The following PLXNA3 variants were observed in gnomAD, a reference collection of about 807,000 sequenced individuals.
PLXNA3 encodes plexin-A3.
Under a neutral mutation model 118.8 loss-of-function variants are expected in PLXNA3, and 52 were observed. That is an observed-to-expected ratio of 0.44 (90% CI 0.35 to 0.55). The LOEUF (loss-of-function observed/expected upper bound fraction) is 0.55, where lower values mean the gene tolerates loss of function less well. Ranked by LOEUF, PLXNA3 falls within the 20% of genes least tolerant of loss-of-function variation. The probability of loss-of-function intolerance (pLI) is 0.01; values close to 1 mark genes in which losing one functional copy is unlikely to be tolerated. For missense variants in PLXNA3, 1,660 were observed against 1,730.8 expected, an observed-to-expected ratio of 0.96 and a Z score of 0.73; for synonymous variants, 925 against 762.4, an observed-to-expected ratio of 1.21 and a Z score of -3.51.
chrX:154,464,817 C>T lies in PLXNA3; in HGVS notation c.1992C>T (p.Thr664=). The T allele has an allele frequency of 8.3e-7, 1 of 1,207,840 alleles. No individual in the cohort carries two copies. Among genetic ancestry groups the T allele is most frequent in the Non-Finnish European group, 1.1e-6 (1 of 893,532 alleles). ...GGTGTAAGTACCGCCACACGTGTAC[C>T]AGCCGCCCCCACGAGTGCTCCTTCC... ...CHWCKYRHTC[T]SRPHECSFQE... The change falls in exon 10 of 33, where the codon ACC becomes ACT. Residue 664 remains threonine, a synonymous_variant. Coordinates refer to ENST00000369682, the MANE Select transcript of PLXNA3 (RefSeq NM_017514.5).
chrX:154,464,199 G>A lies in PLXNA3; in HGVS notation c.1714G>A (p.Val572Met), dbSNP rs1557206028. The change falls in exon 8 of 33, where the codon GTG becomes ATG. Residue 572 changes from valine (V) to methionine (M), a missense_variant. Val to Met is a conservative substitution (Grantham distance 21). This residue lies in a region of PLXNA3 where 791 missense variants were observed against 652.1 expected (regional missense o/e 1.21). Coordinates refer to ENST00000369682, the MANE Select transcript of PLXNA3 (RefSeq NM_017514.5). ...LHNVPDLSAG[V>M]SCAFEAAAEN... ...CAACGTGCCAGACCTCAGTGCGGGC[G>A]TGAGCTGCGCCTTCGAGGCGGCGGC... is the stretch of plus-strand genomic sequence containing the variant. The A allele has an allele frequency of 7.4e-6, 9 of 1,208,353 alleles. No homozygotes were observed. The highest frequency in any genetic ancestry group is 2.2e-5 in the Admixed American group (1 of 45,891).
In PLXNA3 at chrX:154,461,512, C is replaced by A. The variant is rs782486191; in HGVS notation, c.1008C>A (p.Ile336=). The A allele has an allele frequency of 7.4e-6, 9 of 1,211,331 alleles. No homozygotes were observed. In the East Asian group the frequency reaches 2.7e-4, roughly 36 times the overall value. Residue 336 remains isoleucine (I), a synonymous_variant, in exon 3 of 33, where the codon ATC becomes ATA. Coordinates refer to ENST00000369682, the MANE Select transcript of PLXNA3 (RefSeq NM_017514.5). The part of the protein sequence containing the change: ...KNRASPPRQT[I]LCLFTLSNIN... ...GGGCCAGCCCACCCCGGCAGACCAT[C>A]CTCTGCCTCTTCACCCTCAGCAACA...
At chrX:154,471,664 A>G in intron 32 of PLXNA3, 26 bp downstream of exon 32, 1 of 1,184,201 alleles carries the variant, frequency 8.4e-7, no homozygotes, top group Non-Finnish European at 1.1e-6. Context: ...ACAGACTCCC[A>G]GTTACTTGGT....
intron 16 of PLXNA3, 46 bp downstream of exon 16, chrX:154,466,558 G>A (rs372234667): frequency 1.4e-5 from 17 of 1,193,112 alleles, no homozygotes; most frequent in East Asian, 3.0e-5. Context: ...CGTGTGGGGG[G>A]CCGTGGGGAC....
intron 1 of PLXNA3, among the ~76,000 whole-genome samples, chrX:154,458,692 T>A (rs1443443858): frequency 9.0e-6 from 1 of 111,210 alleles, no homozygotes; most frequent in Non-Finnish European, 1.9e-5. Flanking sequence ...GCTCCGCGAG[T>A]CCGCCGAGGG....
rs201909015 is a variant in PLXNA3 at position 154,461,486 on chromosome X, C to T, written c.982C>T (p.Arg328Trp). ...FTIFSQGQKN[R>W]ASPPRQTILC... is the part of the protein sequence containing the mutation. The stretch of plus-strand genomic sequence containing the variant: ...CATCTTCTCTCAGGGCCAGAAGAAC[C>T]GGGCCAGCCCACCCCGGCAGACCAT... Residue 328 changes from arginine to tryptophan, a missense_variant, in exon 3 of 33, where the codon CGG becomes TGG. Around this residue, in one of 2 missense-constraint regions of PLXNA3, gnomAD observed 791 missense variants for 652.1 expected, o/e 1.21. Coordinates refer to ENST00000369682, the MANE Select transcript of PLXNA3 (RefSeq NM_017514.5). The T allele has an allele frequency of 9.9e-5, 120 of 1,210,910 alleles. No homozygotes were observed. Among genetic ancestry groups the T allele is most frequent in the Non-Finnish European group, 1.1e-4 (102 of 895,313 alleles).
chrX:154,461,389 C>A lies in PLXNA3; in HGVS notation c.885C>A (p.Ala295=). The change falls in exon 3 of 33, where the codon GCC becomes GCA. Residue 295 remains alanine, a synonymous_variant. Transcript: ENST00000369682. The part of the protein sequence containing the change: ...RGVEYRLVQS[A]HLAKPGLLLA... ...TGGAGTACCGCTTGGTGCAGAGCGC[C>A]CACCTGGCCAAGCCTGGCCTGCTGC... is the stretch of plus-strand genomic sequence containing the variant. The A allele has an allele frequency of 1.7e-6, 2 of 1,211,825 alleles. No homozygotes were observed. Among genetic ancestry groups the A allele is most frequent in the Admixed American group, 2.2e-5 (1 of 46,183 alleles).
intron 2 of PLXNA3, 92 bp downstream of exon 2, chrX:154,460,869 C>T: frequency 1.4e-6 from 1 of 732,713 alleles, no homozygotes; most frequent in East Asian, 3.3e-5. Context: ...ACTTTCGGCT[C>T]CTCAGTGTCT....
At chrX:154,472,378 G>A (rs1557209744) in intron 32 of PLXNA3, among the ~76,000 whole-genome samples, 2 of 109,823 alleles carry the variant, frequency 1.8e-5, no homozygotes, top group Non-Finnish European at 3.8e-5. Flanking sequence ...GGGACAGGCC[G>A]CACCCTAGCT....
chrX:154,466,804 G>C lies in PLXNA3; in HGVS notation c.3107+11G>C. ...CTGGAGCATCATCAAGTAAGACCCTGGGGGACTGGGGAGCCTGGCAGTGTC... is the reference window on the plus strand; with the variant it reads ...CTGGAGCATCATCAAGTAAGACCCTCGGGGACTGGGGAGCCTGGCAGTGTC... On this transcript the variant is annotated intron_variant, in intron 17 of 32. Coordinates refer to ENST00000369682, the MANE Select transcript of PLXNA3 (RefSeq NM_017514.5). 8.6e-7 allele frequency: 1 copy of C among 1,156,863 alleles called. No homozygotes were observed. The highest frequency in any genetic ancestry group is 1.2e-6 in the Non-Finnish European group (1 of 865,470).
At chrX:154,466,824 A>G (rs2069094315) in intron 17 of PLXNA3, 31 bp downstream of exon 17, 1 of 1,125,845 alleles carries the variant, frequency 8.9e-7, no homozygotes, top group Non-Finnish European at 1.2e-6. Context: ...GGAGCCTGGC[A>G]GTGTCCAGAG....
chrX:154,471,669 C>G, intron 32 of PLXNA3, 31 bp downstream of exon 32: 1 of 1,180,433 alleles, frequency 8.5e-7, no homozygotes, highest in Non-Finnish European at 1.1e-6. Context: ...CTCCCAGTTA[C>G]TTGGTCCTGA....
rs2068934474 is a variant in PLXNA3, at chrX:154,460,693, T to C, written c.510T>C (p.Ala170=). 1.7e-6 allele frequency: 2 copies of C among 1,149,571 alleles called. No individual in the cohort carries two copies. The highest frequency in any genetic ancestry group is 3.0e-5 in the East Asian group (1 of 33,314). The allele number at this position is 1,149,571 out of a possible 1,213,427, so 94.7% of individuals were successfully genotyped here. A position where few individuals can be genotyped will look rare whatever the true frequency, so the allele number is the denominator to read the frequency against. ...CCAGCAAGCTGTTTGTGGGCACTGC[T>C]GTCGACGGCAAGTCGGAGTACTTCC... ...QGPSKLFVGT[A]VDGKSEYFPT... Residue 170 remains alanine, a synonymous_variant, in exon 2 of 33, where the codon GCT becomes GCC. Coordinates refer to ENST00000369682, the MANE Select transcript of PLXNA3 (RefSeq NM_017514.5).
rs782392984 is a variant in PLXNA3 at position 154,464,280 on chromosome X, C to T, written c.1795C>T (p.Leu599Phe). 2.5e-6 allele frequency: 3 copies of T among 1,207,038 alleles called. No individual in the cohort carries two copies. The highest frequency in any genetic ancestry group is 3.5e-5 in the South Asian group (2 of 56,761). Residue 599 changes from leucine (L) to phenylalanine (F), a missense_variant, in exon 8 of 33, where the codon CTC becomes TTC. Transcript: ENST00000369682. Reference sequence around the variant, plus strand: ...TGAACTGCTCTGCCCCTCACCCTCCCTCCAGGAGCTCCGAGCTCTTACCAG... The same window carrying T: ...TGAACTGCTCTGCCCCTCACCCTCCTTCCAGGAGCTCCGAGCTCTTACCAG... ...SGELLCPSPS[L>F]QELRALTRGH...
Position 154,470,086 on chromosome X carries a change from C to T in PLXNA3, c.4905C>T (p.His1635=), listed in dbSNP as rs782258129. 2.6e-5 allele frequency: 31 copies of T among 1,210,206 alleles called. No homozygotes were observed. The East Asian group carries it at 8.3e-4, about 32-fold the overall frequency. ...GTKLWHLVKN[H]DHADHREGDR... ...AATTGTGGCACCTGGTGAAAAACCA[C>T]GACCATGCCGACCATCGCGAGGGGG... The change falls in exon 29 of 33, where the codon CAC becomes CAT. Residue 1635 remains histidine (H), a synonymous_variant. Coordinates refer to ENST00000369682, the MANE Select transcript of PLXNA3 (RefSeq NM_017514.5).
chrX:154,462,140 A>G lies in PLXNA3; in HGVS notation c.1147A>G (p.Asn383Asp), dbSNP rs1557204902. 8.4e-7 allele frequency: 1 copy of G among 1,194,264 alleles called. No homozygotes were observed. Reference sequence around the variant, plus strand: ...TCTGTTTCACCAGCCCATGCAGATCAACGGCAACTTCTGTGGGCTGGTGTT... The same window carrying G: ...TCTGTTTCACCAGCCCATGCAGATCGACGGCAACTTCTGTGGGCTGGTGTT... ...LPCINTPMQI[N>D]GNFCGLVLNQ... Residue 383 changes from asparagine to aspartate, a missense_variant, in exon 4 of 33, where the codon AAC becomes GAC. Asn to Asp is a conservative substitution (Grantham distance 23). This residue lies in a region of PLXNA3 where 791 missense variants were observed against 652.1 expected (regional missense o/e 1.21). Transcript: ENST00000369682.
intron 1 of PLXNA3, among the ~76,000 whole-genome samples, chrX:154,458,889 C>T (rs1288476550): frequency 8.9e-6 from 1 of 111,831 alleles, no homozygotes; most frequent in Non-Finnish European, 1.9e-5. Context: ...CTCCCCAGGT[C>T]TCCCTCCCGA....
chrX:154,473,694 A>G lies in PLXNA3; in HGVS notation c.*1009A>G, dbSNP rs1357962471. 2 of 112,616 alleles carry G rather than the reference A, an allele frequency of 1.8e-5. No homozygotes were observed. The highest frequency in any genetic ancestry group is 3.8e-5 in the Non-Finnish European group (2 of 53,250). The allele number at this position is 112,616 out of a possible 1,213,427, so 9.3% of individuals were successfully genotyped here. A position where few individuals can be genotyped will look rare whatever the true frequency, so the allele number is the denominator to read the frequency against. On this transcript the variant is annotated 3_prime_UTR_variant, in exon 33 of 33. Transcript: ENST00000369682. The stretch of plus-strand genomic sequence containing the variant: ...AGGTCAGTAGACCTGTGGATGCTGC[A>G]TGAGCTGGAGCCCCATTGTGGGAGA...
chrX:154,465,579 T>G (rs782236354), intron 12 of PLXNA3, 59 bp downstream of exon 12: 2 of 1,148,404 alleles, frequency 1.7e-6, no homozygotes, highest in African/African-American at 3.6e-5. Flanking sequence ...TGGGGTCGGG[T>G]CTGGGGGCCC....
Sources: gnomAD v4.1 joint callset for allele counts (sites outside exome capture counted in the v4.1 genomes callset) on GRCh38, gnomAD v4.1.1 for gene constraint, gnomAD v4.1.1 regional missense constraint, MANE v1.5 for transcripts, NCBI Gene and HGNC (gene_info 2026-07-23, HGNC 2026-07-21) for gene names.